The following DKK4 variants were observed in gnomAD, a reference collection of about 807,000 sequenced individuals.
The protein encoded by DKK4 is dickkopf Wnt signaling pathway inhibitor 4.
In DKK4, 15 loss-of-function variants were observed where a neutral mutation model predicts 14.5. The ratio of observed to expected loss-of-function variants is 1.03; its 90% confidence interval spans 0.69 to 1.59. The LOEUF (loss-of-function observed/expected upper bound fraction) is 1.59, where lower values mean the gene tolerates loss of function less well. DKK4 is among the 40% of genes most tolerant of loss of function. DKK4 has a pLI of 0.00. For synonymous variants in DKK4, 89 were observed against 105.2 expected (o/e 0.85, Z 0.94); for missense variants, 272 against 280.3 (o/e 0.97, Z 0.21).
chr8:42,384,016 C>T, the DKK4 span, among the ~76,000 whole-genome samples: 5 of 152,192 alleles, frequency 3.3e-5, no homozygotes, highest in Non-Finnish European at 5.9e-5. Flanking sequence ...CCCGCACCCC[C>T]CTACCCTGTT....
chr8:42,382,540 A>G, the DKK4 span, among the ~76,000 whole-genome samples: 33,822 of 152,196 alleles, frequency 0.22, 7,502 homozygotes, highest in African/African-American at 0.57. Context: ...CAATGACCTC[A>G]CAGAATTCAC....
chr8:42,384,816 C>T, the DKK4 span, among the ~76,000 whole-genome samples: 1 of 152,216 alleles, frequency 6.6e-6, no homozygotes, highest in Non-Finnish European at 1.5e-5. Context: ...ATGCCTGCTA[C>T]ACATGTCACT....
rs199834183 is a variant in DKK4 at position 42,376,917 on chromosome 8, C to A, written c.111+18G>T. On this transcript the variant is annotated intron_variant, in intron 1 of 3. Coordinates refer to ENST00000220812, the MANE Select transcript of DKK4 (RefSeq NM_014420.3). ...TGTCAGCAGTCCCGTACCTCGCCCCCCTCCCTAGCAGCCTTACCTTCCGGG... is the reference window on the plus strand; with the variant it reads ...TGTCAGCAGTCCCGTACCTCGCCCCACTCCCTAGCAGCCTTACCTTCCGGG... The A allele has an allele frequency of 1.2e-6, 2 of 1,607,642 alleles. No homozygotes were observed. Among genetic ancestry groups the A allele is most frequent in the East Asian group, 4.5e-5 (2 of 44,852 alleles).
chr8:42,379,378 T>TATATATATATAGAGAG (rs1166847600), upstream of DKK4, among the ~76,000 whole-genome samples: 1 of 34,556 alleles, frequency 2.9e-5, no homozygotes, highest in Non-Finnish European at 5.1e-5. Flanking sequence ...TATATATATA[T>TATATATATATAGAGAG]AGAGAGAGAG....
chr8:42,388,226 T>A, the DKK4 span, among the ~76,000 whole-genome samples: 1 of 152,154 alleles, frequency 6.6e-6, no homozygotes, highest in African/African-American at 2.4e-5. Context: ...TTTCTTTTCT[T>A]TCTTTTTGTT....
At chr8:42,383,347 C>T in the DKK4 span, among the ~76,000 whole-genome samples, 1 of 152,278 alleles carries the variant, frequency 6.6e-6, no homozygotes, top group South Asian at 2.1e-4. Flanking sequence ...TCATGTCACA[C>T]TCAGCCTCAG....
At chr8:42,379,113 T>C (rs929149188), upstream of DKK4, among the ~76,000 whole-genome samples, 3 of 150,178 alleles carry the variant, frequency 2.0e-5, no homozygotes, top group Admixed American at 2.0e-4. Context: ...TAGTCGGGCG[T>C]GGTGGTGGTC....
At chr8:42,387,108 C>T in the DKK4 span, among the ~76,000 whole-genome samples, 29 of 152,160 alleles carry the variant, frequency 1.9e-4, no homozygotes, top group Non-Finnish European at 4.0e-4. Context: ...GTGCCCTGGA[C>T]ACGAAAGACG....
At chr8:42,376,387 A>G (rs1824565253) in intron 1 of DKK4, among the ~76,000 whole-genome samples, 2 of 152,226 alleles carry the variant, frequency 1.3e-5, no homozygotes, top group South Asian at 2.1e-4. Flanking sequence ...GGTGTAGCAT[A>G]TATGATATAT....
In DKK4 at chr8:42,377,028, C is replaced by G. The variant is rs1458371134; in HGVS notation, c.18G>C (p.Leu6=). 1 of 1,612,900 alleles carries G rather than the reference C, an allele frequency of 6.2e-7. No homozygotes were observed. Among genetic ancestry groups the G allele is most frequent in the African/African-American group, 1.3e-5 (1 of 74,874 alleles). Residue 6 remains leucine (L), a synonymous_variant, in exon 1 of 4, where the codon CTG becomes CTC. Coordinates refer to ENST00000220812, the MANE Select transcript of DKK4 (RefSeq NM_014420.3). Reference sequence around the variant, plus strand: ...GAGAGCAGAGCCAGCTCAGCCCCAGCAGGACGGCCGCCACCATCCTTCAAT... The same window carrying G: ...GAGAGCAGAGCCAGCTCAGCCCCAGGAGGACGGCCGCCACCATCCTTCAAT... MVAAV[L]LGLSWLCSPL...
chr8:42,379,250 C>CA (rs527559485), upstream of DKK4, among the ~76,000 whole-genome samples: 264 of 116,852 alleles, frequency 2.3e-3, 1 homozygote, highest in Middle Eastern at 0.023. Flanking sequence ...GACTCCATCT[C>CA]AAAAAAAAAA....
chr8:42,383,405 T>A, the DKK4 span, among the ~76,000 whole-genome samples: 1 of 152,238 alleles, frequency 6.6e-6, no homozygotes, highest in Non-Finnish European at 1.5e-5. Context: ...TCTGGGAGAT[T>A]GGGCTGGCAT....
At position 42,375,263 on chromosome 8, in the gene DKK4, G is replaced by A. The variant is rs534789099; in HGVS notation, c.263-350C>T. Among the ~76,000 whole-genome samples the A allele has an allele frequency of 5.9e-4, 90 of 152,278 alleles. 1 individual carries two copies. The highest frequency in any genetic ancestry group is 1.9e-3 in the African/African-American group (80 of 41,558). ...TTGTTTCATTAAGAAAAGGCAAGCC[G>A]GGTCCGGTGGCTTACGCTTGTAATC... On this transcript the variant is annotated intron_variant, in intron 2 of 3. Coordinates refer to ENST00000220812, the MANE Select transcript of DKK4 (RefSeq NM_014420.3).
At chr8:42,380,707 G>C (rs1824660787), upstream of DKK4, among the ~76,000 whole-genome samples, 2 of 146,420 alleles carry the variant, frequency 1.4e-5, no homozygotes, top group Admixed American at 6.9e-5. Flanking sequence ...AAAAAGGGAG[G>C]GAGGAAGGGA....
chr8:42,387,898 T>A, the DKK4 span, among the ~76,000 whole-genome samples: 77 of 152,108 alleles, frequency 5.1e-4, no homozygotes, highest in Non-Finnish European at 8.1e-4. Context: ...ATTAAAAAAA[T>A]TTTTTTTAAC....
intron 2 of DKK4, 107 bp downstream of exon 2, chr8:42,375,573 G>T (rs1043703389): frequency 8.6e-6 from 11 of 1,283,614 alleles, no homozygotes; most frequent in Non-Finnish European, 1.2e-5. Context: ...CTTCAAGCAT[G>T]AATCTAGGAA....
chr8:42,388,775 T>G, the DKK4 span, among the ~76,000 whole-genome samples: 1 of 152,072 alleles, frequency 6.6e-6, no homozygotes. Context: ...TTCACCATGT[T>G]GGCCAGGATG....
At chr8:42,379,152 G>A (rs1208485090), upstream of DKK4, among the ~76,000 whole-genome samples, 4 of 149,456 alleles carry the variant, frequency 2.7e-5, no homozygotes, top group African/African-American at 9.8e-5. Flanking sequence ...TCGGGAGGCT[G>A]AGGCAGGAGA....
intron 3 of DKK4, 56 bp downstream of exon 3, chr8:42,374,705 G>A (rs536641215): frequency 6.2e-7 from 1 of 1,606,210 alleles, no homozygotes; most frequent in African/African-American, 1.3e-5. Flanking sequence ...TCCTTAAGAG[G>A]CTGGGAGGAG....
Sources: allele counts gnomAD v4.1 joint callset (sites outside exome capture counted in the v4.1 genomes callset), GRCh38; gene constraint gnomAD v4.1.1; transcripts MANE v1.5; gene names NCBI Gene and HGNC (gene_info 2026-07-23, HGNC 2026-07-21).